Variants in NFIB observed in about 807,000 individuals in gnomAD.
The protein encoded by NFIB is nuclear factor 1 B-type.
In NFIB, 11 loss-of-function variants were observed where a neutral mutation model predicts 61.5. That is an observed-to-expected ratio of 0.18 (90% confidence interval 0.11 to 0.30). The LOEUF (loss-of-function observed/expected upper bound fraction) is 0.30, where lower values mean the gene tolerates loss of function less well. Among genes scored for constraint, NFIB ranks in the 10% least tolerant of loss-of-function variants. The probability of loss-of-function intolerance (pLI) is 1.00; values close to 1 mark genes in which losing one functional copy is unlikely to be tolerated. For missense variants in NFIB, 471 were observed against 608.9 expected, an observed-to-expected ratio of 0.77 and a Z score of 2.38; for synonymous variants, 260 against 216.5, an observed-to-expected ratio of 1.20 and a Z score of -1.76.
the NFIB span, among the ~76,000 whole-genome samples, chr9:14,427,223 TA>T: frequency 6.6e-6 from 1 of 152,214 alleles, no homozygotes; most frequent in Non-Finnish European, 1.5e-5. Flanking sequence ...TGTTCATTCT[TA>T]TACTCTCTTT....
chr9:14,224,084 T>C (rs1202857552), intron 2 of NFIB, among the ~76,000 whole-genome samples: 1 of 152,192 alleles, frequency 6.6e-6, no homozygotes, highest in African/African-American at 2.4e-5. Context: ...CCTCGTCCAA[T>C]TACGCCTTCC....
At chr9:14,491,224 A>G in the NFIB span, among the ~76,000 whole-genome samples, 1 of 152,214 alleles carries the variant, frequency 6.6e-6, no homozygotes, top group Non-Finnish European at 1.5e-5. Context: ...TCTGAGAACC[A>G]TATATGCACA....
intron 1 of NFIB, among the ~76,000 whole-genome samples, chr9:14,350,830 A>G (rs2061099961): frequency 6.6e-6 from 1 of 152,142 alleles, no homozygotes. Context: ...TGCTTCCAAC[A>G]ACCCCCTTAC....
At chr9:14,406,965 C>A in the NFIB span, among the ~76,000 whole-genome samples, 1 of 152,200 alleles carries the variant, frequency 6.6e-6, no homozygotes, top group African/African-American at 2.4e-5. Context: ...CATGGTTTAT[C>A]TGTTAATGCA....
rs139621805 is a variant in NFIB, at chr9:14,252,637, T to C, written c.562+54352A>G. ...TAAAAGACAATACATGTTTCAGAAA[T>C]AATAGAGTCAATGAACTATCTGTTA... On this transcript the variant is annotated intron_variant, in intron 2 of 10. Coordinates refer to ENST00000380953, the MANE Select transcript of NFIB (RefSeq NM_001190737.2). Among the ~76,000 whole-genome samples, 611 of 149,350 alleles carry C rather than the reference T, an allele frequency of 4.1e-3. 2 individuals are homozygous for C. The highest frequency in any genetic ancestry group is 7.2e-3 in the Non-Finnish European group (485 of 67,686).
chr9:14,145,650 C>CTTT (rs34440136), intron 6 of NFIB, among the ~76,000 whole-genome samples: 3 of 125,906 alleles, frequency 2.4e-5, no homozygotes, highest in East Asian at 2.2e-4. Context: ...TTCTTTTAGA[C>CTTT]TTTTTTTTTT....
At chr9:14,237,979 C>T (rs2053965233) in intron 2 of NFIB, among the ~76,000 whole-genome samples, 2 of 151,426 alleles carry the variant, frequency 1.3e-5, no homozygotes, top group African/African-American at 4.9e-5. Context: ...GGGTAAGAAA[C>T]AGTAAACCAA....
intron 1 of NFIB, among the ~76,000 whole-genome samples, chr9:14,351,647 C>G (rs1166820201): frequency 1.3e-5 from 2 of 152,288 alleles, no homozygotes; most frequent in East Asian, 3.9e-4. Context: ...TCTGTCTATC[C>G]TAGATGACAA....
intron 1 of NFIB, among the ~76,000 whole-genome samples, chr9:14,368,996 GT>G (rs1275932251): frequency 1.3e-5 from 2 of 152,118 alleles, no homozygotes; most frequent in Admixed American, 1.3e-4. Flanking sequence ...TAAGTGACAG[GT>G]TTTTGGTACT....
chr9:14,096,894 G>T (rs2034879490), intron 10 of NFIB, among the ~76,000 whole-genome samples: 1 of 152,136 alleles, frequency 6.6e-6, no homozygotes, highest in Non-Finnish European at 1.5e-5. Context: ...CAGCATGCAA[G>T]TCTGGCTGGA....
intron 2 of NFIB, among the ~76,000 whole-genome samples, chr9:14,225,299 A>T (rs2052227057): frequency 6.6e-6 from 1 of 152,004 alleles, no homozygotes; most frequent in Non-Finnish European, 1.5e-5. Context: ...GTTTGGTACT[A>T]GGTTCATCCT....
the NFIB span, among the ~76,000 whole-genome samples, chr9:14,463,659 C>CTCCTTTT: frequency 2.1e-3 from 136 of 65,806 alleles, 7 homozygotes; most frequent in Middle Eastern, 0.015. Flanking sequence ...ATTTGATTTT[C>CTCCTTTT]TTTTTTTTTT....
the NFIB span, among the ~76,000 whole-genome samples, chr9:14,515,552 G>T: frequency 6.6e-6 from 1 of 152,046 alleles, no homozygotes; most frequent in African/African-American, 2.4e-5. Flanking sequence ...GTCACCTGGG[G>T]CCTCACCTCA....
intron 1 of NFIB, among the ~76,000 whole-genome samples, chr9:14,388,581 T>C (rs2061583038): frequency 6.6e-6 from 1 of 152,034 alleles, no homozygotes. Context: ...ATACTCAGTG[T>C]ACAAAACCTT....
At chr9:14,377,708 G>A (rs1360372337) in intron 1 of NFIB, among the ~76,000 whole-genome samples, 2 of 152,134 alleles carry the variant, frequency 1.3e-5, no homozygotes, top group Non-Finnish European at 2.9e-5. Context: ...GGAAAAGGGT[G>A]GATTGACCTG....
chr9:14,304,188 G>A (rs952905057), intron 2 of NFIB, among the ~76,000 whole-genome samples: 4 of 152,168 alleles, frequency 2.6e-5, no homozygotes, highest in African/African-American at 9.7e-5. Flanking sequence ...CAAAGCTCTG[G>A]TAACTCTTCC....
chr9:14,203,189 T>C (rs2049251205), intron 2 of NFIB, among the ~76,000 whole-genome samples: 1 of 152,128 alleles, frequency 6.6e-6, no homozygotes, highest in Non-Finnish European at 1.5e-5. Context: ...AAAGCAATTG[T>C]TTCAGTTAAG....
chr9:14,084,654 T>G lies in NFIB; in HGVS notation c.*3655A>C, dbSNP rs1587031844. 1 of 230,110 alleles carries G rather than the reference T, an allele frequency of 4.3e-6. No individual in the cohort carries two copies. The highest frequency in any genetic ancestry group is 6.2e-5 in the East Asian group (1 of 16,216). 14.3% of individuals were successfully genotyped at this position (230,110 alleles called of 1,614,324 possible). A position where few individuals can be genotyped will look rare whatever the true frequency, so the allele number is the denominator to read the frequency against. ...CGGAACTGATGGTTGGAGACACCAC[T>G]CCCTACTCATGCCCTTGGGTGACCT... On this transcript the variant is annotated 3_prime_UTR_variant, in exon 11 of 11. Transcript: ENST00000380953.
At chr9:14,106,560 C>T (rs1404473915) in intron 10 of NFIB, among the ~76,000 whole-genome samples, 4 of 152,008 alleles carry the variant, frequency 2.6e-5, no homozygotes, top group African/African-American at 7.2e-5. Flanking sequence ...CAGTTCAAAT[C>T]AGATTGCTTC....
Sources: allele counts gnomAD v4.1 joint callset (sites outside exome capture counted in the v4.1 genomes callset), GRCh38; gene constraint gnomAD v4.1.1; transcripts MANE v1.5; gene names NCBI Gene and HGNC (gene_info 2026-07-23, HGNC 2026-07-21).